GRIN2A: variants seen among roughly 807,000 people sequenced by gnomAD.
GRIN2A encodes the protein glutamate ionotropic receptor NMDA type subunit 2A.
Under a neutral mutation model 113.4 loss-of-function variants are expected in GRIN2A, and 22 were observed. That is an observed-to-expected ratio of 0.19 (90% CI 0.14 to 0.28). The LOEUF (loss-of-function observed/expected upper bound fraction) is 0.28, where lower values mean the gene tolerates loss of function less well. Among genes scored for constraint, GRIN2A ranks in the 10% least tolerant of loss-of-function variants. The probability of loss-of-function intolerance (pLI) is 1.00; values close to 1 mark genes in which losing one functional copy is unlikely to be tolerated. For synonymous variants in GRIN2A, 827 were observed against 738.4 expected (o/e 1.12, Z -1.94); for missense variants, 1,502 against 1,887.0 (o/e 0.80, Z 3.78).
At chr16:9,950,169 G>A (rs1430474154) in intron 2 of GRIN2A, among the ~76,000 whole-genome samples, 1 of 152,116 alleles carries the variant, frequency 6.6e-6, no homozygotes, top group Non-Finnish European at 1.5e-5. Context: ...ATTCCAAAAA[G>A]AGCCCATGTC....
At chr16:10,070,765 G>A (rs140742025) in intron 2 of GRIN2A, among the ~76,000 whole-genome samples, 3 of 152,292 alleles carry the variant, frequency 2.0e-5, no homozygotes, top group South Asian at 2.1e-4. Context: ...ATTGTTCAGC[G>A]GTTGGATTAG....
chr16:10,107,134 T>C (rs1414935810), intron 2 of GRIN2A, among the ~76,000 whole-genome samples: 1 of 152,164 alleles, frequency 6.6e-6, no homozygotes, highest in Non-Finnish European at 1.5e-5. Flanking sequence ...ATTGAAGGAA[T>C]GTTGAACCAA....
At chr16:10,126,433 C>G (rs2048937863) in intron 2 of GRIN2A, among the ~76,000 whole-genome samples, 2 of 152,176 alleles carry the variant, frequency 1.3e-5, no homozygotes, top group Admixed American at 1.3e-4. Context: ...TCCCAAAGCA[C>G]TAGAAATAGA....
chr16:9,937,159 A>G (rs1417008161), intron 3 of GRIN2A, among the ~76,000 whole-genome samples: 2 of 152,170 alleles, frequency 1.3e-5, no homozygotes, highest in Non-Finnish European at 2.9e-5. Flanking sequence ...GTGATTATCA[A>G]ACATTGTATG....
intron 10 of GRIN2A, among the ~76,000 whole-genome samples, chr16:9,807,250 GGGGAGAGAGGGAGGGAGGGGGGA>G (rs2041991257): frequency 2.4e-5 from 1 of 41,562 alleles, no homozygotes; most frequent in Non-Finnish European, 5.2e-5. Flanking sequence ...GAGGGAGGGA[GGGGAGAGAGGGAGGGAGGGGGGA>G]GGGGGAGGGG....
intron 5 of GRIN2A, among the ~76,000 whole-genome samples, chr16:9,843,560 T>TGA (rs2042719922): frequency 6.6e-6 from 1 of 152,198 alleles, no homozygotes; most frequent in Non-Finnish European, 1.5e-5. Flanking sequence ...ATGCTTTCCT[T>TGA]TATCTCAGGA....
chr16:9,795,260 C>T (rs944832083), intron 11 of GRIN2A, among the ~76,000 whole-genome samples: 2 of 152,126 alleles, frequency 1.3e-5, no homozygotes, highest in Admixed American at 1.3e-4. Context: ...AGAAGCTGGC[C>T]AAAACCCAAC....
chr16:10,057,296 A>G lies in GRIN2A; in HGVS notation c.415-118745T>C, dbSNP rs149810713. ...AATAAATACAATCTAAGTAAATACA[A>G]TGGGCTTGCTATGCAAACTGAACTT... is the stretch of plus-strand genomic sequence containing the variant. On this transcript the variant is annotated intron_variant, in intron 2 of 12. Transcript: ENST00000330684. Among the ~76,000 whole-genome samples the G allele has an allele frequency of 4.6e-3, 704 of 152,240 alleles. 6 individuals are homozygous for G. Among genetic ancestry groups the G allele is most frequent in the African/African-American group, 0.016 (667 of 41,542 alleles).
intron 4 of GRIN2A, among the ~76,000 whole-genome samples, chr16:9,873,096 G>C (rs914327912): frequency 2.6e-5 from 4 of 152,050 alleles, no homozygotes; most frequent in South Asian, 2.1e-4. Flanking sequence ...GACAAATACT[G>C]CATGTTCTCA....
intron 2 of GRIN2A, among the ~76,000 whole-genome samples, chr16:9,961,050 A>G (rs1475929587): frequency 1.3e-5 from 2 of 152,336 alleles, no homozygotes; most frequent in Admixed American, 1.3e-4. Flanking sequence ...ACTCAGCACT[A>G]TAGTACTTGG....
chr16:10,081,904 C>T (rs1454392881), intron 2 of GRIN2A, among the ~76,000 whole-genome samples: 1 of 152,218 alleles, frequency 6.6e-6, no homozygotes, highest in Non-Finnish European at 1.5e-5. Flanking sequence ...GAAAAATAAG[C>T]TCAAGGGCTC....
intron 2 of GRIN2A, among the ~76,000 whole-genome samples, chr16:10,076,041 A>G (rs1018226484): frequency 2.0e-5 from 3 of 152,096 alleles, no homozygotes; most frequent in Non-Finnish European, 4.4e-5. Context: ...AAGAGTGAAA[A>G]ATGCGCCCAT....
chr16:9,828,200 G>A (rs1349552318), intron 9 of GRIN2A, among the ~76,000 whole-genome samples: 2 of 152,206 alleles, frequency 1.3e-5, no homozygotes, highest in African/African-American at 4.8e-5. Context: ...GACAGGGATG[G>A]AGCAAGAGGA....
intron 2 of GRIN2A, among the ~76,000 whole-genome samples, chr16:9,940,042 A>AGAGAGAG (rs2044828386): frequency 7.2e-6 from 1 of 139,676 alleles, no homozygotes; most frequent in African/African-American, 2.6e-5. Context: ...GAGAGAGAGA[A>AGAGAGAG]AGAGAGAGAG....
At chr16:9,824,702 C>T (rs2042354191) in intron 9 of GRIN2A, among the ~76,000 whole-genome samples, 1 of 152,152 alleles carries the variant, frequency 6.6e-6, no homozygotes, top group Admixed American at 6.5e-5. Flanking sequence ...CAATACGTTT[C>T]CCATCACCAC....
intron 5 of GRIN2A, among the ~76,000 whole-genome samples, chr16:9,848,733 A>T (rs1400067945): frequency 1.5e-5 from 1 of 67,890 alleles, no homozygotes; most frequent in Non-Finnish European, 2.8e-5. Flanking sequence ...TATATAAAAT[A>T]CACTGTTTTA....
At chr16:9,803,649 T>G (rs2041909563) in intron 10 of GRIN2A, among the ~76,000 whole-genome samples, 1 of 152,186 alleles carries the variant, frequency 6.6e-6, no homozygotes, top group African/African-American at 2.4e-5. Context: ...CATTATTATA[T>G]TTTTTGGTCC....
intron 2 of GRIN2A, among the ~76,000 whole-genome samples, chr16:10,002,567 G>C (rs536500367): frequency 6.6e-6 from 1 of 152,298 alleles, no homozygotes; most frequent in East Asian, 1.9e-4. Flanking sequence ...CATGAGAGAA[G>C]TTGGAAACTG....
At chr16:9,965,929 T>C (rs1343900148) in intron 2 of GRIN2A, among the ~76,000 whole-genome samples, 1 of 152,232 alleles carries the variant, frequency 6.6e-6, no homozygotes, top group African/African-American at 2.4e-5. Context: ...TCTGGGCTTT[T>C]AAATAAAACA....
Sources: allele counts gnomAD v4.1 joint callset (sites outside exome capture counted in the v4.1 genomes callset), GRCh38; gene constraint gnomAD v4.1.1; transcripts MANE v1.5; gene names NCBI Gene and HGNC (gene_info 2026-07-23, HGNC 2026-07-21).